GRAMD1B: variants seen among roughly 807,000 people sequenced by gnomAD.
The protein encoded by GRAMD1B is GRAM domain containing 1B, also known as protein Aster-B.
A neutral mutation model predicts 99.7 loss-of-function variants in GRAMD1B; 37 were observed. The ratio of observed to expected loss-of-function variants is 0.37; its 90% confidence interval spans 0.29 to 0.49. The LOEUF is 0.49. Among genes scored for constraint, GRAMD1B ranks in the 20% least tolerant of loss-of-function variants. The pLI, the probability that GRAMD1B is intolerant of heterozygous loss-of-function variation, is 0.98. For synonymous variants in GRAMD1B, 427 were observed against 387.6 expected (o/e 1.10, Z -1.19); for missense variants, 888 against 1,009.2 (o/e 0.88, Z 1.63).
At chr11:123,521,262 T>C (rs1206623063) in intron 2 of GRAMD1B, among the ~76,000 whole-genome samples, 1 of 152,252 alleles carries the variant, frequency 6.6e-6, no homozygotes, top group Non-Finnish European at 1.5e-5. Context: ...TGATGACATC[T>C]CACCAGAGTT....
At chr11:123,539,781 A>G (rs1383417913) in intron 2 of GRAMD1B, among the ~76,000 whole-genome samples, 1 of 152,176 alleles carries the variant, frequency 6.6e-6, no homozygotes, top group Non-Finnish European at 1.5e-5. Context: ...ATTGCAGGGC[A>G]TGTCACATAC....
chr11:123,443,347 A>G (rs865890227), intron 1 of GRAMD1B, among the ~76,000 whole-genome samples: 1 of 152,230 alleles, frequency 6.6e-6, no homozygotes, highest in African/African-American at 2.4e-5. Flanking sequence ...TGAGCCAAAT[A>G]CAAGTGACTA....
At chr11:123,407,806 T>G (rs576486057) in intron 1 of GRAMD1B, among the ~76,000 whole-genome samples, 326 of 152,364 alleles carry the variant, frequency 2.1e-3, no homozygotes, top group African/African-American at 7.3e-3. Flanking sequence ...GCTTGTGTAC[T>G]GCCTGTAAAC....
intron 2 of GRAMD1B, among the ~76,000 whole-genome samples, chr11:123,576,615 T>C (rs1948741402): frequency 1.3e-5 from 2 of 152,236 alleles, no homozygotes; most frequent in Admixed American, 6.5e-5. Flanking sequence ...AAGGTACTTA[T>C]TGGGAATAAA....
At chr11:123,392,626 A>G (rs1383916379) in intron 1 of GRAMD1B, among the ~76,000 whole-genome samples, 1 of 152,128 alleles carries the variant, frequency 6.6e-6, no homozygotes. Context: ...TTTAAGTTTT[A>G]TCATTCTATA....
chr11:123,428,966 C>A (rs1948749693), upstream of GRAMD1B, among the ~76,000 whole-genome samples: 1 of 152,088 alleles, frequency 6.6e-6, no homozygotes. Context: ...CCAAGGTGGG[C>A]AGATCACTTG....
intron 2 of GRAMD1B, among the ~76,000 whole-genome samples, chr11:123,504,856 A>G (rs879632852): frequency 1.3e-5 from 2 of 151,990 alleles, no homozygotes; most frequent in Non-Finnish European, 2.9e-5. Flanking sequence ...TAATTTTTGT[A>G]TTTTTAGTAG....
intron 2 of GRAMD1B, among the ~76,000 whole-genome samples, chr11:123,488,506 T>C (rs1303967581): frequency 6.6e-6 from 1 of 152,214 alleles, no homozygotes; most frequent in Non-Finnish European, 1.5e-5. Flanking sequence ...GATGAAGACA[T>C]GGTCCCTGCT....
At chr11:123,393,771 C>G (rs1237899911) in intron 1 of GRAMD1B, among the ~76,000 whole-genome samples, 1 of 152,160 alleles carries the variant, frequency 6.6e-6, no homozygotes, top group Non-Finnish European at 1.5e-5. Flanking sequence ...CCACCCTCTT[C>G]AATGTGGAAG....
rs116112680 is a variant in GRAMD1B, at chr11:123,479,144, G to T, written c.375-1672G>T. Among the ~76,000 whole-genome samples, 1,351 of 152,350 alleles carry T rather than the reference G, an allele frequency of 8.9e-3. 20 individuals carry two copies. The highest frequency in any genetic ancestry group is 0.031 in the African/African-American group (1,283 of 41,582). On this transcript the variant is annotated intron_variant, in intron 1 of 19. Coordinates refer to ENST00000635736, the MANE Select transcript of GRAMD1B (RefSeq NM_001387025.1). ...TGGAAGGGAAGGAGAAAGGGATTCCGTACACAGTGAGTTCTGCCGAGCAGC... is the reference window on the plus strand; with the variant it reads ...TGGAAGGGAAGGAGAAAGGGATTCCTTACACAGTGAGTTCTGCCGAGCAGC...
At chr11:123,524,431 C>T (rs926649937) in intron 2 of GRAMD1B, among the ~76,000 whole-genome samples, 3 of 151,810 alleles carry the variant, frequency 2.0e-5, no homozygotes, top group Non-Finnish European at 2.9e-5. Flanking sequence ...GCCTCTATCT[C>T]TCTGGTTCAA....
rs56832445 is a variant in GRAMD1B at position 123,438,396 on chromosome 11, G to A, written c.374+7230G>A. 0.015 allele frequency among the ~76,000 whole-genome samples: 2,218 copies of A among 152,176 alleles called. 90 individuals carry two copies. The East Asian group carries it at 0.17, about 12-fold the overall frequency. On this transcript the variant is annotated intron_variant, in intron 1 of 19. Coordinates refer to ENST00000635736, the MANE Select transcript of GRAMD1B (RefSeq NM_001387025.1). Reference sequence around the variant, plus strand: ...TGCTTGAGAACTTGTAGATGTGGAGGGGGAGGTCCTGAAGCAAGGTAGGAA... The same window carrying A: ...TGCTTGAGAACTTGTAGATGTGGAGAGGGAGGTCCTGAAGCAAGGTAGGAA...
rs368398559 is a variant in GRAMD1B at position 123,468,730 on chromosome 11, G to A, written c.375-12086G>A. 5.4e-5 allele frequency among the ~76,000 whole-genome samples: 8 copies of A among 149,490 alleles called. No individual in the cohort carries two copies. The East Asian group carries it at 1.0e-3, about 19-fold the overall frequency. ...GAGGATTGCTTGAGCCCGGGAGGCA[G>A]AGGTTGCAGTGAGCCAAGATCCTGC... On this transcript the variant is annotated intron_variant, in intron 1 of 19. Transcript: ENST00000635736.
chr11:123,623,562 C>G lies in GRAMD1B; in HGVS notation c.*967C>G, dbSNP rs1039343720. ...GATGAGTCAGGGTGTGCTGGGCCCT[C>G]CAGGATTTGAGAGAGGGAGAGAAGG... is the stretch of plus-strand genomic sequence containing the variant. On this transcript the variant is annotated 3_prime_UTR_variant, in exon 20 of 20. Coordinates refer to ENST00000635736, the MANE Select transcript of GRAMD1B (RefSeq NM_001387025.1). 1.3e-5 allele frequency: 2 copies of G among 152,236 alleles called. No homozygotes were observed. Among genetic ancestry groups the G allele is most frequent in the South Asian group, 4.2e-4 (2 of 4,816 alleles). 9.4% of individuals were successfully genotyped at this position (152,236 alleles called of 1,614,324 possible). A position where few individuals can be genotyped will look rare whatever the true frequency, so the allele number is the denominator to read the frequency against.
chr11:123,439,051 A>G (rs939478229), intron 1 of GRAMD1B, among the ~76,000 whole-genome samples: 1 of 152,180 alleles, frequency 6.6e-6, no homozygotes, highest in African/African-American at 2.4e-5. Context: ...TTTCTTCCAT[A>G]GCACATATCA....
At chr11:123,503,304 G>C (rs1031511200) in intron 2 of GRAMD1B, among the ~76,000 whole-genome samples, 3 of 152,170 alleles carry the variant, frequency 2.0e-5, no homozygotes, top group Middle Eastern at 3.2e-3. Flanking sequence ...CTGCTGACTG[G>C]AAGTGGTGCG....
intron 1 of GRAMD1B, among the ~76,000 whole-genome samples, chr11:123,413,597 C>T (rs1444633878): frequency 1.3e-5 from 2 of 151,994 alleles, no homozygotes; most frequent in African/African-American, 4.8e-5. Context: ...CTATTTGTTC[C>T]CTCTCTGAAG....
intron 2 of GRAMD1B, among the ~76,000 whole-genome samples, chr11:123,572,148 TTAACCCCCCTAGACTCAGGTTTCTTAC>T (rs1948169407): frequency 1.3e-5 from 2 of 152,210 alleles, no homozygotes; most frequent in Non-Finnish European, 2.9e-5. Context: ...GTCTAGGTAC[TTAACCCCCCTAGACTCAGGTTTCTTAC>T]ATGTGAAGTT....
intron 10 of GRAMD1B, 100 bp from the exon 11 acceptor site, chr11:123,606,509 G>A (rs531554914): frequency 4.1e-4 from 430 of 1,041,480 alleles, no homozygotes; most frequent in Non-Finnish European, 5.5e-4. Flanking sequence ...CAGCTGAGCT[G>A]GGAGTATGAG....
Sources: allele counts gnomAD v4.1 joint callset (sites outside exome capture counted in the v4.1 genomes callset), GRCh38; gene constraint gnomAD v4.1.1; transcripts MANE v1.5; gene names NCBI Gene and HGNC (gene_info 2026-07-23, HGNC 2026-07-21).